Variants in LMX1B observed in about 807,000 individuals in gnomAD.
LMX1B encodes the protein LIM homeobox transcription factor 1 beta.
In LMX1B, 12 loss-of-function variants were observed where a neutral mutation model predicts 51.4. That is an observed-to-expected ratio of 0.23 (90% CI 0.15 to 0.38). The LOEUF (loss-of-function observed/expected upper bound fraction) is 0.38, where lower values mean the gene tolerates loss of function less well. Ranked by LOEUF, LMX1B falls within the 10% of genes least tolerant of loss-of-function variation. The pLI, the probability that LMX1B is intolerant of heterozygous loss-of-function variation, is 1.00. For synonymous variants in LMX1B, 237 were observed against 235.4 expected, an observed-to-expected ratio of 1.01 and a Z score of -0.06; for missense variants, 445 against 571.1, an observed-to-expected ratio of 0.78 and a Z score of 2.25.
At chr9:126,617,566 G>A (rs1391549756) in intron 2 of LMX1B, among the ~76,000 whole-genome samples, 2 of 151,818 alleles carry the variant, frequency 1.3e-5, no homozygotes, top group Admixed American at 6.6e-5. Context: ...TCAGCTGGAT[G>A]TTGCCTTAGA....
chr9:126,683,356 T>C (rs1436152438), intron 2 of LMX1B, among the ~76,000 whole-genome samples: 1 of 152,104 alleles, frequency 6.6e-6, no homozygotes, highest in African/African-American at 2.4e-5. Flanking sequence ...CTGGTTTGAG[T>C]TGGATCCCCA....
At chr9:126,629,582 G>A (rs1183308801) in intron 2 of LMX1B, among the ~76,000 whole-genome samples, 1 of 141,860 alleles carries the variant, frequency 7.0e-6, no homozygotes, top group South Asian at 2.3e-4. Flanking sequence ...TTGGTGCCCC[G>A]ATGGTGGGCT....
In LMX1B at chr9:126,621,274, G is replaced by T. The variant is rs551425887; in HGVS notation, c.326+5705G>T. ...ATAGTCTACTCATCCAAGGAGCCGC[G>T]TGTGAGCTGTCAGTCAGTTGGGGGT... On this transcript the variant is annotated intron_variant, in intron 2 of 7. Coordinates refer to ENST00000373474, the MANE Select transcript of LMX1B (RefSeq NM_001174147.2). Among the ~76,000 whole-genome samples the T allele has an allele frequency of 1.2e-4, 19 of 152,370 alleles. No homozygotes were observed. In the South Asian group the frequency reaches 3.9e-3, roughly 32 times the overall value.
chr9:126,637,678 G>A (rs1162014580), intron 2 of LMX1B, among the ~76,000 whole-genome samples: 1 of 152,064 alleles, frequency 6.6e-6, no homozygotes, highest in Non-Finnish European at 1.5e-5. Flanking sequence ...AGCAGCAGAT[G>A]GCCAATCCTG....
intron 2 of LMX1B, among the ~76,000 whole-genome samples, chr9:126,679,104 C>T (rs1306121679): frequency 6.6e-6 from 1 of 152,186 alleles, no homozygotes; most frequent in African/African-American, 2.4e-5. Context: ...TACCAGGAGC[C>T]CCCTGAAGAC....
In LMX1B at chr9:126,650,567, G is replaced by T. The variant is rs1323178577; in HGVS notation, c.326+34998G>T. ...CCAGGGAGAAGGACCAGTTGTCCTG[G>T]AAAGAGGATGTTAATGACACCGGAG... On this transcript the variant is annotated intron_variant, in intron 2 of 7. Transcript: ENST00000373474. Among the ~76,000 whole-genome samples, 4 of 152,360 alleles carry T rather than the reference G, an allele frequency of 2.6e-5. No homozygotes were observed. In the East Asian group the frequency reaches 5.8e-4, roughly 22 times the overall value.
chr9:126,687,697 C>T (rs573628836), intron 2 of LMX1B, among the ~76,000 whole-genome samples: 2 of 152,332 alleles, frequency 1.3e-5, no homozygotes, highest in East Asian at 3.9e-4. Context: ...TTGTCCAGCC[C>T]ATTGTATAGA....
At chr9:126,688,771 C>T (rs1368819021) in intron 2 of LMX1B, among the ~76,000 whole-genome samples, 1 of 152,208 alleles carries the variant, frequency 6.6e-6, no homozygotes, top group Non-Finnish European at 1.5e-5. Context: ...TGGTGGGGTC[C>T]AGCATGCCCA....
intron 2 of LMX1B, among the ~76,000 whole-genome samples, chr9:126,682,032 C>T (rs1836684480): frequency 6.7e-6 from 1 of 149,368 alleles, no homozygotes; most frequent in African/African-American, 2.5e-5. Flanking sequence ...CCCCATCACT[C>T]ATCTGCTCCA....
rs1835497226 is a variant in LMX1B, at chr9:126,625,134, G to A, written c.326+9565G>A. ...TATTCATGTCAAGCACAGAAAAGAA[G>A]CCGAGCACCTTACAACCGTGTCCCC... On this transcript the variant is annotated intron_variant, in intron 2 of 7. Transcript: ENST00000373474. The surrounding 1 kb of genome is among the most constrained non-coding windows in gnomAD (Gnocchi z 5.3). Among the ~76,000 whole-genome samples the A allele has an allele frequency of 6.6e-6, 1 of 152,232 alleles. No individual in the cohort carries two copies. Among genetic ancestry groups the A allele is most frequent in the African/African-American group, 2.4e-5 (1 of 41,466 alleles).
At chr9:126,630,718 A>G (rs185258992) in intron 2 of LMX1B, among the ~76,000 whole-genome samples, 1 of 152,302 alleles carries the variant, frequency 6.6e-6, no homozygotes, top group East Asian at 1.9e-4. Flanking sequence ...TTGCAAATAT[A>G]TAGTGAAAGC....
intron 2 of LMX1B, among the ~76,000 whole-genome samples, chr9:126,635,298 A>C (rs1333555056): frequency 6.6e-6 from 1 of 152,198 alleles, no homozygotes; most frequent in Admixed American, 6.5e-5. Flanking sequence ...CGGGGCTTAC[A>C]CAAAGGCAAG....
At chr9:126,684,024 C>T (rs1836726270) in intron 2 of LMX1B, among the ~76,000 whole-genome samples, 1 of 152,106 alleles carries the variant, frequency 6.6e-6, no homozygotes, top group South Asian at 2.1e-4. Flanking sequence ...ACTCCATGCC[C>T]CAAGTCCATG....
chr9:126,683,132 G>A (rs947632251), intron 2 of LMX1B, among the ~76,000 whole-genome samples: 1 of 150,978 alleles, frequency 6.6e-6, no homozygotes, highest in Admixed American at 6.6e-5. Flanking sequence ...CGCAGGAAGC[G>A]CAGGGGCAGC....
At chr9:126,660,624 G>A (rs1836226149) in intron 2 of LMX1B, among the ~76,000 whole-genome samples, 1 of 152,180 alleles carries the variant, frequency 6.6e-6, no homozygotes, top group African/African-American at 2.4e-5. Flanking sequence ...TTAACATTGT[G>A]AAAGGCTTGT....
chr9:126,691,636 T>C (rs926771393), intron 3 of LMX1B, among the ~76,000 whole-genome samples: 18 of 151,824 alleles, frequency 1.2e-4, no homozygotes, highest in African/African-American at 4.1e-4. Context: ...TCTGCCTTGA[T>C]GGCCCCCCAC....
chr9:126,650,643 C>T (rs565232214), intron 2 of LMX1B, among the ~76,000 whole-genome samples: 1 of 152,212 alleles, frequency 6.6e-6, no homozygotes, highest in Non-Finnish European at 1.5e-5. Context: ...CTCCTGGCCT[C>T]TCGGCACTGC....
chr9:126,687,296 TTGGCTCA>T (rs962269940), intron 2 of LMX1B, among the ~76,000 whole-genome samples: 3 of 152,082 alleles, frequency 2.0e-5, no homozygotes, highest in African/African-American at 7.2e-5. Flanking sequence ...TGGTGCGGTC[TTGGCTCA>T]CCACAATCTC....
chr9:126,656,436 T>C (rs1391390802), intron 2 of LMX1B, among the ~76,000 whole-genome samples: 1 of 148,312 alleles, frequency 6.7e-6, no homozygotes, highest in Non-Finnish European at 1.5e-5. Flanking sequence ...GATAGATAGA[T>C]AGGATAGATA....
Sources: allele counts gnomAD v4.1 joint callset (sites outside exome capture counted in the v4.1 genomes callset), GRCh38; gene constraint gnomAD v4.1.1; non-coding constraint Gnocchi (gnomAD v3.1); transcripts MANE v1.5; gene names NCBI Gene and HGNC (gene_info 2026-07-23, HGNC 2026-07-21).